The following MAF variants were observed in gnomAD, a reference collection of about 807,000 sequenced individuals.
MAF encodes the protein MAF bZIP transcription factor, also known as transcription factor Maf.
In MAF, 10 loss-of-function variants were observed where a neutral mutation model predicts 22.0. The observed-to-expected ratio is 0.45, with a 90% CI of 0.28 to 0.77. The LOEUF is 0.77. Among genes scored for constraint, MAF ranks in the 30% least tolerant of loss-of-function variants. MAF has a pLI of 0.12. For synonymous variants in MAF, 337 were observed against 255.8 expected (o/e 1.32, Z -3.03); for missense variants, 544 against 548.4 (o/e 0.99, Z 0.08).
chr16:79,253,187 T>A, the MAF span, among the ~76,000 whole-genome samples: 4 of 152,102 alleles, frequency 2.6e-5, no homozygotes, highest in African/African-American at 9.7e-5. Context: ...CAAGGATGCT[T>A]AGAACTTGGA....
At chr16:79,496,504 T>A in the MAF span, among the ~76,000 whole-genome samples, 1 of 152,248 alleles carries the variant, frequency 6.6e-6, no homozygotes, top group South Asian at 2.1e-4. Flanking sequence ...CCTCAGGTTC[T>A]GTTATCACAG....
chr16:79,509,485 G>A, the MAF span, among the ~76,000 whole-genome samples: 1 of 152,188 alleles, frequency 6.6e-6, no homozygotes, highest in Non-Finnish European at 1.5e-5. Context: ...TTGGCAGCGG[G>A]GCCCTTGCTG....
At chr16:79,335,150 A>T in the MAF span, among the ~76,000 whole-genome samples, 1 of 148,498 alleles carries the variant, frequency 6.7e-6, no homozygotes, top group Non-Finnish European at 1.5e-5. Flanking sequence ...GCGCCACTGC[A>T]CTCCAGCCTG....
At chr16:79,477,252 C>A in the MAF span, among the ~76,000 whole-genome samples, 1 of 152,196 alleles carries the variant, frequency 6.6e-6, no homozygotes, top group Non-Finnish European at 1.5e-5. Flanking sequence ...CTCTGTCATG[C>A]TTTGTGGCCA....
the MAF span, among the ~76,000 whole-genome samples, chr16:79,490,225 G>A: frequency 1.3e-4 from 20 of 152,222 alleles, no homozygotes; most frequent in East Asian, 3.8e-4. Flanking sequence ...ACTGCTGTGC[G>A]TCTTTAAAAT....
chr16:79,289,650 C>T, the MAF span, among the ~76,000 whole-genome samples: 1,119 of 152,128 alleles, frequency 7.4e-3, 15 homozygotes, highest in African/African-American at 0.025. Context: ...GACAGCTTTG[C>T]AAAGCAGCCT....
chr16:79,426,086 G>C, the MAF span, among the ~76,000 whole-genome samples: 1 of 152,056 alleles, frequency 6.6e-6, no homozygotes, highest in Non-Finnish European at 1.5e-5. Flanking sequence ...CATGCCTGTA[G>C]TCCCAGCTAC....
the MAF span, among the ~76,000 whole-genome samples, chr16:79,308,903 C>T: frequency 6.6e-6 from 1 of 152,156 alleles, no homozygotes; most frequent in Non-Finnish European, 1.5e-5. Flanking sequence ...GAATATAGGA[C>T]TCCTGCCTTT....
chr16:79,237,044 G>A, the MAF span, among the ~76,000 whole-genome samples: 2 of 152,038 alleles, frequency 1.3e-5, no homozygotes, highest in South Asian at 4.2e-4. Flanking sequence ...CATATACTTG[G>A]ATTGCCAGAG....
At chr16:79,567,297 G>A in the MAF span, among the ~76,000 whole-genome samples, 1 of 150,968 alleles carries the variant, frequency 6.6e-6, no homozygotes, top group East Asian at 2.0e-4. Context: ...TAGCCTGGGT[G>A]ACAAGAGCAA....
At chr16:79,559,486 C>T in the MAF span, among the ~76,000 whole-genome samples, 14 of 152,264 alleles carry the variant, frequency 9.2e-5, no homozygotes, top group Non-Finnish European at 1.9e-4. Flanking sequence ...GCGCACATCC[C>T]TACCTGTTTC....
the MAF span, among the ~76,000 whole-genome samples, chr16:79,307,470 C>T: frequency 3.3e-5 from 5 of 152,176 alleles, no homozygotes; most frequent in East Asian, 3.9e-4. Context: ...GATTGCAGGA[C>T]GCTTGCAGTT....
At chr16:79,427,796 C>T in the MAF span, among the ~76,000 whole-genome samples, 1,041 of 152,252 alleles carry the variant, frequency 6.8e-3, 5 homozygotes, top group Non-Finnish European at 0.01. Context: ...GTTGGTATAG[C>T]TGGCTTTCCA....
At chr16:79,238,911 G>A in the MAF span, among the ~76,000 whole-genome samples, 85 of 152,016 alleles carry the variant, frequency 5.6e-4, 1 homozygote, top group Admixed American at 1.8e-3. Context: ...GGACTTGTTT[G>A]CTCTGATCTC....
the MAF span, among the ~76,000 whole-genome samples, chr16:79,228,094 G>C: frequency 1.3e-5 from 2 of 152,034 alleles, no homozygotes; most frequent in African/African-American, 2.4e-5. Context: ...GTAGAGATAA[G>C]GTCTTGCTAT....
the MAF span, among the ~76,000 whole-genome samples, chr16:79,479,788 T>A: frequency 0.011 from 1,729 of 152,314 alleles, 34 homozygotes; most frequent in African/African-American, 0.039. Context: ...TTTAATTCTG[T>A]ATCTTGTTGG....
the MAF span, among the ~76,000 whole-genome samples, chr16:79,483,753 A>G: frequency 6.6e-6 from 1 of 152,170 alleles, no homozygotes; most frequent in Non-Finnish European, 1.5e-5. Flanking sequence ...GAAGCCAGGC[A>G]AGCTTCTGGG....
the MAF span, among the ~76,000 whole-genome samples, chr16:79,308,611 C>G: frequency 1.3e-5 from 2 of 152,152 alleles, no homozygotes; most frequent in Non-Finnish European, 2.9e-5. Flanking sequence ...GCATCTTGTC[C>G]GTCAACATCT....
At chr16:79,222,688 C>T in the MAF span, among the ~76,000 whole-genome samples, 1 of 151,970 alleles carries the variant, frequency 6.6e-6, no homozygotes, top group Non-Finnish European at 1.5e-5. Context: ...GAAGATTTAC[C>T]AAGCAAGTGG....
Sources: allele counts gnomAD v4.1 joint callset (sites outside exome capture counted in the v4.1 genomes callset), GRCh38; gene constraint gnomAD v4.1.1; transcripts MANE v1.5; gene names NCBI Gene and HGNC (gene_info 2026-07-23, HGNC 2026-07-21).